Variants in PPARG observed in about 807,000 individuals in gnomAD.
PPARG encodes the protein peroxisome proliferator activated receptor gamma.
Under a neutral mutation model 39.2 loss-of-function variants are expected in PPARG, and 17 were observed. The observed-to-expected ratio is 0.43, with a 90% CI of 0.30 to 0.65. PPARG has a LOEUF of 0.65. PPARG is among the 30% of genes least tolerant of loss of function. The pLI, the probability that PPARG is intolerant of heterozygous loss-of-function variation, is 0.13. For synonymous variants in PPARG, 223 were observed against 215.7 expected (o/e 1.03, Z -0.30); for missense variants, 406 against 585.9 (o/e 0.69, Z 3.17).
chr3:12,324,523 T>A (rs186473664), intron 2 of PPARG, among the ~76,000 whole-genome samples: 1 of 152,206 alleles, frequency 6.6e-6, no homozygotes, highest in East Asian at 1.9e-4. Context: ...GTGACCCAAA[T>A]CAAGTCACTT....
intron 2 of PPARG, among the ~76,000 whole-genome samples, chr3:12,327,222 G>A (rs2047719860): frequency 6.6e-6 from 1 of 152,108 alleles, no homozygotes; most frequent in Non-Finnish European, 1.5e-5. Flanking sequence ...TTTTATTTTA[G>A]CTGTTCTGTT....
chr3:12,406,147 A>G lies in PPARG; in HGVS notation c.729+66A>G, dbSNP rs1213844287. 4 of 1,474,816 alleles carry G rather than the reference A, an allele frequency of 2.7e-6. 1 individual carries two copies. In the South Asian group the frequency reaches 4.7e-5, roughly 17 times the overall value. The allele number at this position is 1,474,816 out of a possible 1,614,324, so 91.4% of individuals were successfully genotyped here. A position where few individuals can be genotyped will look rare whatever the true frequency, so the allele number is the denominator to read the frequency against. On this transcript the variant is annotated intron_variant, in intron 6 of 7. Coordinates refer to ENST00000651735, the MANE Select transcript of PPARG (RefSeq NM_138711.6). ...GTTGTTTTGGGTTTTTGTTTCTTTG[A>G]GTAAATGGTTTACTGCGCTACAAAT... is the stretch of plus-strand genomic sequence containing the variant.
chr3:12,405,185 A>G (rs769795796), intron 5 of PPARG, among the ~76,000 whole-genome samples: 10 of 152,120 alleles, frequency 6.6e-5, no homozygotes, highest in Non-Finnish European at 1.3e-4. Flanking sequence ...CCCCTCTTAC[A>G]TTTTCCTTGT....
intron 2 of PPARG, among the ~76,000 whole-genome samples, chr3:12,370,640 C>CT (rs1192172162): frequency 2.0e-5 from 3 of 152,162 alleles, no homozygotes; most frequent in African/African-American, 7.2e-5. Context: ...GCACACTGTG[C>CT]TTTTTTCTCT....
intron 2 of PPARG, among the ~76,000 whole-genome samples, chr3:12,329,915 T>G (rs1192427559): frequency 6.6e-6 from 1 of 152,210 alleles, no homozygotes; most frequent in Non-Finnish European, 1.5e-5. Flanking sequence ...ATGGCTTATT[T>G]CATTTAGCAC....
chr3:12,306,280 T>C (rs2124971704), intron 1 of PPARG, among the ~76,000 whole-genome samples: 1 of 152,346 alleles, frequency 6.6e-6, no homozygotes, highest in African/African-American at 2.4e-5. Flanking sequence ...GCTACTGATC[T>C]GACAGGAGGC....
At chr3:12,416,234 C>T (rs1027292446) in intron 6 of PPARG, among the ~76,000 whole-genome samples, 1 of 152,144 alleles carries the variant, frequency 6.6e-6, no homozygotes, top group African/African-American at 2.4e-5. Flanking sequence ...CAAAAATCAG[C>T]TGGGTGTGGC....
At chr3:12,389,607 T>G (rs2049996915) in intron 4 of PPARG, among the ~76,000 whole-genome samples, 1 of 151,874 alleles carries the variant, frequency 6.6e-6, no homozygotes. Flanking sequence ...AGAATGAGAG[T>G]GAGCCAGGCG....
rs116793915 is a variant in PPARG, at chr3:12,316,517, A to G, written c.-9+4064A>G. Among the ~76,000 whole-genome samples, 1,212 of 152,316 alleles carry G rather than the reference A, an allele frequency of 8.0e-3. 8 individuals are homozygous for G. Among genetic ancestry groups the G allele is most frequent in the Non-Finnish European group, 0.014 (957 of 68,026 alleles). On this transcript the variant is annotated intron_variant, in intron 2 of 7. Coordinates refer to ENST00000651735, the MANE Select transcript of PPARG (RefSeq NM_138711.6). ...TGAAAGCATCCTGGAGAATGGTTAC[A>G]CAACATTGTGAGTGTACTTAATGCC...
intron 7 of PPARG, among the ~76,000 whole-genome samples, chr3:12,426,416 T>C (rs1042158029): frequency 1.3e-5 from 2 of 152,124 alleles, no homozygotes; most frequent in Non-Finnish European, 2.9e-5. Flanking sequence ...ACGACATTGC[T>C]CCTCAAATCA....
At chr3:12,343,213 A>G (rs563716636) in intron 2 of PPARG, among the ~76,000 whole-genome samples, 23 of 152,264 alleles carry the variant, frequency 1.5e-4, no homozygotes, top group African/African-American at 4.8e-4. Context: ...ATGGATTCTC[A>G]TTCCCCAAGT....
intron 2 of PPARG, among the ~76,000 whole-genome samples, chr3:12,324,594 G>T (rs2047640319): frequency 6.6e-6 from 1 of 152,098 alleles, no homozygotes; most frequent in African/African-American, 2.4e-5. Flanking sequence ...GAGACAAACT[G>T]ATCTTTTAGG....
rs1559515590 is a variant in PPARG, at chr3:12,379,851, A to G, written c.140A>G (p.His47Arg). 5.0e-6 allele frequency: 8 copies of G among 1,613,934 alleles called. No homozygotes were observed. Among genetic ancestry groups the G allele is most frequent in the Non-Finnish European group, 6.8e-6 (8 of 1,179,866 alleles). The change falls in exon 3 of 8, where the codon CAT (histidine) becomes CGT (arginine). Residue 47 changes from histidine to arginine, a missense_variant. Physicochemically the swap from His to Arg is conservative, Grantham distance 29. Coordinates refer to ENST00000651735, the MANE Select transcript of PPARG (RefSeq NM_138711.6). ...TVDFSSISTPHYEDIPFTRTD... is the reference protein window; with the variant it reads ...TVDFSSISTPRYEDIPFTRTD... ...GACTTCTCCAGCATTTCTACTCCAC[A>G]TTACGAAGACATTCCATTCACAAGA...
chr3:12,391,020 T>A (rs1481954532), intron 4 of PPARG, among the ~76,000 whole-genome samples: 1 of 152,144 alleles, frequency 6.6e-6, no homozygotes, highest in Non-Finnish European at 1.5e-5. Flanking sequence ...GTCAAACCTA[T>A]CGCCTTTGTA....
At chr3:12,329,601 T>C (rs2047793064) in intron 2 of PPARG, among the ~76,000 whole-genome samples, 1 of 152,164 alleles carries the variant, frequency 6.6e-6, no homozygotes, top group African/African-American at 2.4e-5. Context: ...AAAAAACAAG[T>C]TGCCCATTCT....
chr3:12,336,731 A>G (rs1385890227), intron 2 of PPARG, among the ~76,000 whole-genome samples: 2 of 152,220 alleles, frequency 1.3e-5, no homozygotes, highest in Non-Finnish European at 2.9e-5. Context: ...AGTTATGAGC[A>G]ACTGATTATT....
chr3:12,405,583 T>C (rs1250464582), intron 5 of PPARG, among the ~76,000 whole-genome samples: 3 of 152,242 alleles, frequency 2.0e-5, no homozygotes, highest in Admixed American at 2.0e-4. Flanking sequence ...TGGTTCTCAA[T>C]TATTTCACGT....
chr3:12,396,523 G>A (rs2972163), intron 5 of PPARG, among the ~76,000 whole-genome samples: 61,200 of 152,024 alleles, frequency 0.4, 13,769 homozygotes, highest in South Asian at 0.66. Flanking sequence ...TTGGGAGGCC[G>A]AGGTCAGAGG....
intron 1 of PPARG, among the ~76,000 whole-genome samples, chr3:12,301,066 AC>A (rs2124952951): frequency 6.6e-6 from 1 of 152,388 alleles, no homozygotes; most frequent in East Asian, 1.9e-4. Flanking sequence ...ATGATATGAA[AC>A]TAATGCCAGG....
Sources: gnomAD v4.1 joint callset for allele counts (sites outside exome capture counted in the v4.1 genomes callset) on GRCh38, gnomAD v4.1.1 for gene constraint, MANE v1.5 for transcripts, NCBI Gene and HGNC (gene_info 2026-07-23, HGNC 2026-07-21) for gene names.